The following ACBD5 variants were observed in gnomAD, a reference collection of about 807,000 sequenced individuals.
The protein encoded by ACBD5 is acyl-CoA binding domain containing 5.
In ACBD5, 40 loss-of-function variants were observed where a neutral mutation model predicts 71.8. The ratio of observed to expected loss-of-function variants is 0.56; its 90% confidence interval spans 0.43 to 0.72. The LOEUF (loss-of-function observed/expected upper bound fraction) is 0.72. Ranked by LOEUF, ACBD5 falls within the 30% of genes least tolerant of loss-of-function variation. ACBD5 has a pLI of 0.00. For missense variants in ACBD5, 559 were observed against 644.5 expected (o/e 0.87, Z 1.44); for synonymous variants, 229 against 218.6 (o/e 1.05, Z -0.42).
intron 2 of ACBD5, among the ~76,000 whole-genome samples, chr10:27,239,748 TG>T: frequency 6.6e-6 from 1 of 151,922 alleles, no homozygotes; most frequent in Admixed American, 6.6e-5. Flanking sequence ...TTTGTTTGTT[TG>T]TTTGTTTGTT....
Position 27,196,827 on chromosome 10 carries a change from C to T in ACBD5, c.*603G>A, listed in dbSNP as rs1204495869. 2 of 454,074 alleles carry T rather than the reference C, an allele frequency of 4.4e-6. No homozygotes were observed. The highest frequency in any genetic ancestry group is 4.4e-6 in the Non-Finnish European group (1 of 226,790). The allele number at this position is 454,074 out of a possible 1,614,324, so 28.1% of individuals were successfully genotyped here. ...ACTCAGTCTGGTACATAGGACTCCA[C>T]TTTTTAATAATGATGCCTGAACACC... On this transcript the variant is annotated 3_prime_UTR_variant, in exon 13 of 13. Transcript: ENST00000396271.
At chr10:27,212,851 C>T (rs775687679) in intron 8 of ACBD5, among the ~76,000 whole-genome samples, 18 of 152,024 alleles carry the variant, frequency 1.2e-4, no homozygotes, top group Admixed American at 6.6e-4. Flanking sequence ...GACCAGCCTA[C>T]GCCACTCCAT....
At chr10:27,224,181 C>A (rs967428003) in intron 4 of ACBD5, among the ~76,000 whole-genome samples, 2 of 140,336 alleles carry the variant, frequency 1.4e-5, no homozygotes, top group African/African-American at 2.7e-5. Context: ...GCCTGGGCAA[C>A]ATAGTAAGGG....
In ACBD5 at chr10:27,233,288, G is replaced by A. The variant is rs773176013; in HGVS notation, c.303-1468C>T. On this transcript the variant is annotated intron_variant, in intron 3 of 12. Transcript: ENST00000396271. ...CTAAAGACATAAAAATTAGCCAGGCGTGGTGGCACGCGCCTGTAATCCCAG... is the reference window on the plus strand; with the variant it reads ...CTAAAGACATAAAAATTAGCCAGGCATGGTGGCACGCGCCTGTAATCCCAG... 7.2e-5 allele frequency among the ~76,000 whole-genome samples: 11 copies of A among 152,108 alleles called. No homozygotes were observed. The East Asian group carries it at 7.7e-4, about 11-fold the overall frequency.
At chr10:27,231,608 T>G in intron 4 of ACBD5, 140 bp downstream of exon 4, 1 of 750,532 alleles carries the variant, frequency 1.3e-6, no homozygotes, top group Non-Finnish European at 2.3e-6. Context: ...AGCAGAAAAG[T>G]CCTAACAAAT....
At chr10:27,184,781 G>A (rs1179053309) in intron 13 of ACBD5, among the ~76,000 whole-genome samples, 2 of 151,694 alleles carry the variant, frequency 1.3e-5, no homozygotes, top group Admixed American at 6.6e-5. Flanking sequence ...GGCTGGTCTC[G>A]AACTCCTGAC....
At chr10:27,198,893 G>A (rs1564548654) in intron 12 of ACBD5, among the ~76,000 whole-genome samples, 1 of 152,016 alleles carries the variant, frequency 6.6e-6, no homozygotes, top group South Asian at 2.1e-4. Flanking sequence ...GGCGGATCAC[G>A]AGGTTGGGAG....
rs1419122894 is a variant in ACBD5, at chr10:27,212,578, G to GC, written c.937-1498dup. ...TATCATTATTCTTCCAATTTATGCT[G>GC]CTTTTTTTTTTTTTTTTTGAGACAA... On this transcript the variant is annotated intron_variant, in intron 8 of 12. Coordinates refer to ENST00000396271, the MANE Select transcript of ACBD5 (RefSeq NM_145698.5). 3.0e-5 allele frequency among the ~76,000 whole-genome samples: 4 copies of GC among 131,880 alleles called. No individual in the cohort carries two copies. The South Asian group carries it at 8.1e-4, about 27-fold the overall frequency. The allele number at this position is 131,880 out of a possible 152,430, so 86.5% of individuals were successfully genotyped here. A position where few individuals can be genotyped will look rare whatever the true frequency, so the allele number is the denominator to read the frequency against.
rs944322591 is a variant in ACBD5 at position 27,207,048 on chromosome 10, C to T, written c.1404+1198G>A. ...ATCCCAGCACTTTGGGAGGCTGAGGCGGGTGGATCACGAGGTCAGGAGATC... is the reference window on the plus strand; with the variant it reads ...ATCCCAGCACTTTGGGAGGCTGAGGTGGGTGGATCACGAGGTCAGGAGATC... On this transcript the variant is annotated intron_variant, in intron 10 of 12. Transcript: ENST00000396271. 4.6e-5 allele frequency among the ~76,000 whole-genome samples: 7 copies of T among 151,406 alleles called. No homozygotes were observed. In the South Asian group the frequency reaches 8.4e-4, roughly 18 times the overall value.
chr10:27,218,231 C>T (rs774176059), intron 6 of ACBD5, 48 bp from the exon 7 acceptor site: 105 of 1,386,800 alleles, frequency 7.6e-5, no homozygotes, highest in Non-Finnish European at 1.0e-4. Flanking sequence ...CAGTAGGTCA[C>T]CTTCTGCATA....
chr10:27,241,813 G>C (rs562116609), upstream of ACBD5, among the ~76,000 whole-genome samples: 1 of 152,072 alleles, frequency 6.6e-6, no homozygotes. Context: ...GGGTGCCCTG[G>C]GCCTTCAACT....
At chr10:27,198,738 G>A in intron 12 of ACBD5, among the ~76,000 whole-genome samples, 1 of 152,184 alleles carries the variant, frequency 6.6e-6, no homozygotes, top group East Asian at 1.9e-4. Flanking sequence ...GTTAGCTTCA[G>A]GGTGCCTGAA....
chr10:27,228,807 ATATATATATTT>A (rs2063436087), intron 4 of ACBD5, among the ~76,000 whole-genome samples: 1 of 6,828 alleles, frequency 1.5e-4, no homozygotes, highest in Non-Finnish European at 6.9e-4. Flanking sequence ...ATATATATAT[ATATATATATTT>A]TTTTTTTTTT....
intron 13 of ACBD5, among the ~76,000 whole-genome samples, chr10:27,185,939 A>G (rs1448972514): frequency 6.6e-6 from 1 of 151,636 alleles, no homozygotes; most frequent in Non-Finnish European, 1.5e-5. Context: ...AAAATACAAA[A>G]TTAGCCTGGT....
intron 13 of ACBD5, among the ~76,000 whole-genome samples, chr10:27,189,769 AATAT>A (rs71386921): frequency 1.4e-5 from 2 of 145,044 alleles, no homozygotes; most frequent in African/African-American, 5.3e-5. Context: ...GTATAATAAA[AATAT>A]ATATATATAT....
chr10:27,191,843 G>A (rs187722247), downstream of ACBD5, among the ~76,000 whole-genome samples: 11 of 152,106 alleles, frequency 7.2e-5, no homozygotes, highest in East Asian at 1.9e-3. Flanking sequence ...AGCAGAGATT[G>A]CACCTCTGCA....
intron 8 of ACBD5, among the ~76,000 whole-genome samples, chr10:27,214,753 A>C (rs1361942691): frequency 6.6e-6 from 1 of 152,204 alleles, no homozygotes; most frequent in Non-Finnish European, 1.5e-5. Context: ...TATTTGTTTG[A>C]AAATTATTCA....
At chr10:27,201,636 C>G (rs966458407) in intron 12 of ACBD5, among the ~76,000 whole-genome samples, 1 of 152,128 alleles carries the variant, frequency 6.6e-6, no homozygotes, top group Non-Finnish European at 1.5e-5. Context: ...AACCCTGTCT[C>G]TACTAAAAAT....
In ACBD5 at chr10:27,202,969, C is replaced by CTTTTT. The variant is rs775633178; in HGVS notation, c.1565+1466_1565+1470dup. ...GGATTTAAATTCAGGTCTATATCCT[C>CTTTTT]TTTTTTTTTTTTTTTTTTTTTTTTG... On this transcript the variant is annotated intron_variant, in intron 12 of 12. Coordinates refer to ENST00000396271, the MANE Select transcript of ACBD5 (RefSeq NM_145698.5). 7.5e-3 allele frequency among the ~76,000 whole-genome samples: 534 copies of CTTTTT among 70,780 alleles called. 50 individuals carry two copies. Among genetic ancestry groups the CTTTTT allele is most frequent in the East Asian group, 0.013 (26 of 1,936 alleles). The allele number at this position is 70,780 out of a possible 152,430, so 46.4% of individuals were successfully genotyped here. A position where few individuals can be genotyped will look rare whatever the true frequency, so the allele number is the denominator to read the frequency against.
Sources: gnomAD v4.1 joint callset for allele counts (sites outside exome capture counted in the v4.1 genomes callset) on GRCh38, gnomAD v4.1.1 for gene constraint, MANE v1.5 for transcripts, NCBI Gene and HGNC (gene_info 2026-07-23, HGNC 2026-07-21) for gene names.